RCSD1: variants seen among roughly 807,000 people sequenced by gnomAD.
RCSD1 encodes the protein RCSD domain containing 1.
Under a neutral mutation model 42.5 loss-of-function variants are expected in RCSD1, and 26 were observed. The observed-to-expected ratio is 0.61, with a 90% confidence interval of 0.45 to 0.85. The LOEUF (loss-of-function observed/expected upper bound fraction) is 0.85, where lower values mean the gene tolerates loss of function less well. Ranked by LOEUF, RCSD1 falls within the 40% of genes least tolerant of loss-of-function variation. The pLI is 0.00. For synonymous variants in RCSD1, 220 were observed against 212.2 expected (o/e 1.04, Z -0.32); for missense variants, 571 against 528.3 (o/e 1.08, Z -0.79).
At chr1:167,680,850 G>C (rs1558087430) in intron 1 of RCSD1, among the ~76,000 whole-genome samples, 1 of 152,220 alleles carries the variant, frequency 6.6e-6, no homozygotes, top group Non-Finnish European at 1.5e-5. Context: ...ATTTAATCCA[G>C]AGAGGCTAAG....
intron 1 of RCSD1, among the ~76,000 whole-genome samples, chr1:167,656,598 A>T (rs1053276234): frequency 2.6e-5 from 4 of 152,186 alleles, no homozygotes; most frequent in African/African-American, 9.7e-5. Flanking sequence ...AAATGACCCA[A>T]TGTAACACAG....
chr1:167,671,196 C>T (rs1363891713), intron 1 of RCSD1, among the ~76,000 whole-genome samples: 1 of 152,182 alleles, frequency 6.6e-6, no homozygotes, highest in African/African-American at 2.4e-5. Flanking sequence ...TCAATAAACT[C>T]CACATCTTGA....
intron 1 of RCSD1, among the ~76,000 whole-genome samples, chr1:167,676,570 A>G (rs773700944): frequency 3.9e-5 from 6 of 152,064 alleles, no homozygotes; most frequent in African/African-American, 1.4e-4. Context: ...TTATGCTTGT[A>G]CAACAGTTGG....
At chr1:167,656,689 T>C (rs1342884466) in intron 1 of RCSD1, among the ~76,000 whole-genome samples, 2 of 152,166 alleles carry the variant, frequency 1.3e-5, no homozygotes, top group Admixed American at 1.3e-4. Flanking sequence ...CACATAGTCA[T>C]TTACATTGCC....
In RCSD1 at chr1:167,706,215, C is replaced by A. The variant is rs1369706507; in HGVS notation, c.*1519C>A. ...CTGGTTGGGACTGATATTGTCATAG[C>A]TATGATAAACTTTGGATATTAGCAG... is the stretch of plus-strand genomic sequence containing the variant. On this transcript the variant is annotated 3_prime_UTR_variant, in exon 7 of 7. Coordinates refer to ENST00000367854, the MANE Select transcript of RCSD1 (RefSeq NM_052862.4). 2 of 152,074 alleles carry A rather than the reference C, an allele frequency of 1.3e-5. No individual in the cohort carries two copies. Among genetic ancestry groups the A allele is most frequent in the Non-Finnish European group, 2.9e-5 (2 of 68,022 alleles). The allele number at this position is 152,074 out of a possible 1,614,324, so 9.4% of individuals were successfully genotyped here. A position where few individuals can be genotyped will look rare whatever the true frequency, so the allele number is the denominator to read the frequency against.
chr1:167,693,567 G>A (rs1659427607), intron 4 of RCSD1, among the ~76,000 whole-genome samples: 1 of 152,186 alleles, frequency 6.6e-6, no homozygotes, highest in Non-Finnish European at 1.5e-5. Flanking sequence ...GGAGGCTGAG[G>A]GAGAATCAGA....
At chr1:167,699,462 G>T (rs1659589033) in intron 6 of RCSD1, among the ~76,000 whole-genome samples, 1 of 151,870 alleles carries the variant, frequency 6.6e-6, no homozygotes, top group Non-Finnish European at 1.5e-5. Context: ...GCAATTCATG[G>T]CATCTCTTGG....
rs192217981 is a variant in RCSD1, at chr1:167,706,699, T to C, written c.*2003T>C. On this transcript the variant is annotated 3_prime_UTR_variant, in exon 7 of 7. Transcript: ENST00000367854. ...TATTTGGTGTATTTTGTGAAAAAAATAGAGGCCCCATTCCCAGGGCTTGTT... is the reference window on the plus strand; with the variant it reads ...TATTTGGTGTATTTTGTGAAAAAAACAGAGGCCCCATTCCCAGGGCTTGTT... Among the ~76,000 whole-genome samples, 2 of 152,188 alleles carry C rather than the reference T, an allele frequency of 1.3e-5. No homozygotes were observed. The highest frequency in any genetic ancestry group is 2.9e-5 in the Non-Finnish European group (2 of 67,984).
Position 167,697,488 on chromosome 1 carries a change from T to A in RCSD1, c.864T>A (p.Ser288=), listed in dbSNP as rs1225490583. ...QEEVPESPQT[S]GPEAENRCGS... The stretch of plus-strand genomic sequence containing the variant: ...AGGTCCCGGAATCGCCCCAGACCTC[T>A]GGCCCAGAGGCAGAAAATAGGTGTG... Residue 288 remains serine (S), a synonymous_variant, in exon 6 of 7, where the codon TCT becomes TCA. Coordinates refer to ENST00000367854, the MANE Select transcript of RCSD1 (RefSeq NM_052862.4). The A allele has an allele frequency of 1.9e-6, 3 of 1,608,434 alleles. No individual in the cohort carries two copies.
At chr1:167,660,879 C>A (rs1248058394) in intron 1 of RCSD1, among the ~76,000 whole-genome samples, 2 of 152,204 alleles carry the variant, frequency 1.3e-5, no homozygotes, top group African/African-American at 4.8e-5. Context: ...CTCCCCACCA[C>A]CAAATTGTTG....
intron 1 of RCSD1, among the ~76,000 whole-genome samples, chr1:167,641,062 G>C (rs1395406121): frequency 6.6e-6 from 1 of 152,134 alleles, no homozygotes; most frequent in African/African-American, 2.4e-5. Context: ...CTAATTTCCT[G>C]CCTCTTAGGT....
At chr1:167,697,975 C>T in intron 6 of RCSD1, 133 bp downstream of exon 6, 1 of 1,151,040 alleles carries the variant, frequency 8.7e-7, no homozygotes, top group Non-Finnish European at 1.1e-6. Flanking sequence ...AGGCTCCTGC[C>T]TCGTGCCAAC....
At position 167,707,216 on chromosome 1, in the gene RCSD1, A is replaced by AG. The variant is rs1659775866; in HGVS notation, c.*2521dup. Among the ~76,000 whole-genome samples, 1 of 152,198 alleles carries AG rather than the reference A, an allele frequency of 6.6e-6. No individual in the cohort carries two copies. The highest frequency in any genetic ancestry group is 2.4e-5 in the African/African-American group (1 of 41,450). On this transcript the variant is annotated 3_prime_UTR_variant, in exon 7 of 7. Transcript: ENST00000367854. ...CCTCAGAACTCCAGGCCCCTCACGG[A>AG]GATCACCCTGAACAATGCCCAGTTT...
At chr1:167,693,220 C>T (rs776411973) in intron 4 of RCSD1, among the ~76,000 whole-genome samples, 5 of 152,130 alleles carry the variant, frequency 3.3e-5, no homozygotes, top group African/African-American at 4.8e-5. Context: ...GTCTGCAGGA[C>T]GCAGCTCTGT....
chr1:167,690,018 A>T, intron 3 of RCSD1, 31 bp from the exon 4 acceptor site: 1 of 1,610,656 alleles, frequency 6.2e-7, no homozygotes, highest in South Asian at 1.1e-5. Flanking sequence ...CACCTTACTT[A>T]TCTGGTTGTT....
intron 1 of RCSD1, among the ~76,000 whole-genome samples, chr1:167,647,633 G>A (rs1305494897): frequency 2.6e-5 from 4 of 152,162 alleles, no homozygotes; most frequent in Non-Finnish European, 5.9e-5. Context: ...CAGCTATTCA[G>A]GAGGCTGAGG....
At chr1:167,643,239 C>T (rs1051065193) in intron 1 of RCSD1, among the ~76,000 whole-genome samples, 2 of 152,170 alleles carry the variant, frequency 1.3e-5, no homozygotes, top group African/African-American at 4.8e-5. Flanking sequence ...AAAATTGTAA[C>T]AACCCTGAGC....
In RCSD1 at chr1:167,707,683, A is replaced by G. The variant is rs1354547555; in HGVS notation, c.*2987A>G. Among the ~76,000 whole-genome samples the G allele has an allele frequency of 2.0e-5, 3 of 150,206 alleles. No individual in the cohort carries two copies. Among genetic ancestry groups the G allele is most frequent in the Non-Finnish European group, 3.0e-5 (2 of 67,764 alleles). ...CTTCTTTTCTCTTCTTTTTTTTTGA[A>G]TGAGACAGAGTCTCGCGCTGTCACT... is the stretch of plus-strand genomic sequence containing the variant. On this transcript the variant is annotated 3_prime_UTR_variant, in exon 7 of 7. Transcript: ENST00000367854.
chr1:167,646,693 G>A (rs185600459), intron 1 of RCSD1, among the ~76,000 whole-genome samples: 231 of 152,188 alleles, frequency 1.5e-3, no homozygotes, highest in Non-Finnish European at 2.6e-3. Context: ...CTGCCTAGGC[G>A]TCATCCCCAG....
Sources: allele counts gnomAD v4.1 joint callset (sites outside exome capture counted in the v4.1 genomes callset), GRCh38; gene constraint gnomAD v4.1.1; transcripts MANE v1.5; gene names NCBI Gene and HGNC (gene_info 2026-07-23, HGNC 2026-07-21).